Variants in PRKCB observed in about 807,000 individuals in gnomAD.
PRKCB encodes protein kinase C beta type.
Under a neutral mutation model 81.5 loss-of-function variants are expected in PRKCB, and 13 were observed. The observed-to-expected ratio is 0.16, with a 90% CI of 0.10 to 0.25. The LOEUF (loss-of-function observed/expected upper bound fraction) is 0.25. Ranked by LOEUF, PRKCB falls within the 10% of genes least tolerant of loss-of-function variation. PRKCB has a pLI of 1.00. For missense variants in PRKCB, 509 were observed against 875.7 expected, an observed-to-expected ratio of 0.58 and a Z score of 5.29; for synonymous variants, 335 against 321.4, an observed-to-expected ratio of 1.04 and a Z score of -0.45.
intron 2 of PRKCB, among the ~76,000 whole-genome samples, chr16:23,871,434 C>T (rs940765195): frequency 6.6e-6 from 1 of 152,178 alleles, no homozygotes; most frequent in Admixed American, 6.5e-5. Context: ...CGTTCCTGCC[C>T]CTGTCCCCCT....
intron 3 of PRKCB, among the ~76,000 whole-genome samples, chr16:23,988,860 G>C (rs4788153): frequency 0.58 from 88,783 of 151,882 alleles, 26,238 homozygotes; most frequent in South Asian, 0.78. Flanking sequence ...AGAGGCAGGG[G>C]CCTACTTGGT....
chr16:24,202,952 C>T (rs982381724), intron 16 of PRKCB, among the ~76,000 whole-genome samples: 1 of 152,104 alleles, frequency 6.6e-6, no homozygotes, highest in Non-Finnish European at 1.5e-5. Flanking sequence ...TGCAGTGGCT[C>T]ATGCCTGTAA....
intron 3 of PRKCB, among the ~76,000 whole-genome samples, chr16:24,020,077 C>T (rs1246976187): frequency 6.6e-6 from 1 of 152,140 alleles, no homozygotes; most frequent in Non-Finnish European, 1.5e-5. Flanking sequence ...TGCCAAATTG[C>T]CCCCACAGGA....
intron 3 of PRKCB, among the ~76,000 whole-genome samples, chr16:23,993,790 G>A (rs772747552): frequency 2.2e-4 from 34 of 152,154 alleles, no homozygotes; most frequent in Non-Finnish European, 4.4e-4. Context: ...AACAACAATC[G>A]GAATAGCCTG....
chr16:23,923,349 A>C (rs1472853405), intron 2 of PRKCB, among the ~76,000 whole-genome samples: 1 of 152,020 alleles, frequency 6.6e-6, no homozygotes, highest in East Asian at 1.9e-4. Context: ...ATGGCTATGG[A>C]AGCTCTACTC....
intron 3 of PRKCB, among the ~76,000 whole-genome samples, chr16:24,028,587 T>C (rs1312661392): frequency 6.6e-6 from 1 of 152,224 alleles, no homozygotes; most frequent in Non-Finnish European, 1.5e-5. Context: ...AACCTACACT[T>C]GTGTTGAACA....
intron 3 of PRKCB, among the ~76,000 whole-genome samples, chr16:24,011,859 A>C (rs983812416): frequency 2.6e-5 from 4 of 152,202 alleles, no homozygotes; most frequent in Non-Finnish European, 5.9e-5. Context: ...AGATGATAAT[A>C]TACTACTTCT....
At chr16:23,880,142 G>A (rs1412228988) in intron 2 of PRKCB, among the ~76,000 whole-genome samples, 1 of 152,202 alleles carries the variant, frequency 6.6e-6, no homozygotes, top group African/African-American at 2.4e-5. Flanking sequence ...CATGGTAGAA[G>A]CTAGGTCAGC....
chr16:23,870,587 A>G (rs1962886577), intron 2 of PRKCB, among the ~76,000 whole-genome samples: 1 of 152,206 alleles, frequency 6.6e-6, no homozygotes, highest in African/African-American at 2.4e-5. Context: ...AAACGAAGCC[A>G]TTAGGTGCTT....
intron 3 of PRKCB, among the ~76,000 whole-genome samples, chr16:24,003,853 T>G (rs993248008): frequency 6.6e-6 from 1 of 152,176 alleles, no homozygotes; most frequent in Admixed American, 6.5e-5. Flanking sequence ...GATGCGCTGA[T>G]GAAAGTAATA....
chr16:24,153,696 T>C (rs1395531678), intron 9 of PRKCB, among the ~76,000 whole-genome samples: 1 of 152,176 alleles, frequency 6.6e-6, no homozygotes, highest in Non-Finnish European at 1.5e-5. Context: ...CCGATGTGTC[T>C]GTGAGCCACA....
intron 2 of PRKCB, among the ~76,000 whole-genome samples, chr16:23,944,185 C>T (rs1361913505): frequency 2.0e-5 from 3 of 151,988 alleles, no homozygotes; most frequent in African/African-American, 4.8e-5. Flanking sequence ...TTAGTAGATC[C>T]GTAAGATGTG....
chr16:23,916,590 A>G (rs1963744056), intron 2 of PRKCB, among the ~76,000 whole-genome samples: 1 of 152,130 alleles, frequency 6.6e-6, no homozygotes, highest in Non-Finnish European at 1.5e-5. Flanking sequence ...AACTAATAAT[A>G]CCAATTTATT....
At chr16:24,101,316 G>A (rs891941017) in intron 7 of PRKCB, among the ~76,000 whole-genome samples, 13 of 152,220 alleles carry the variant, frequency 8.5e-5, no homozygotes, top group African/African-American at 2.9e-4. Flanking sequence ...GGAGTGCCAA[G>A]GTGGGAGGAT....
chr16:23,969,237 C>T (rs1596491517), intron 2 of PRKCB, among the ~76,000 whole-genome samples: 1 of 152,248 alleles, frequency 6.6e-6, no homozygotes, highest in East Asian at 1.9e-4. Flanking sequence ...ATGGTTGCAT[C>T]TTCCATGGGG....
chr16:24,163,886 T>G (rs961775964), intron 10 of PRKCB, among the ~76,000 whole-genome samples: 2 of 152,190 alleles, frequency 1.3e-5, no homozygotes, highest in Admixed American at 1.3e-4. Context: ...AGTATAACTG[T>G]GACTAGAACC....
In PRKCB at chr16:24,217,835, G is replaced by A. The variant is rs1968254520; in HGVS notation, c.*3019G>A. 2 of 985,394 alleles carry A rather than the reference G, an allele frequency of 2.0e-6. No individual in the cohort carries two copies. The highest frequency in any genetic ancestry group is 2.4e-6 in the Non-Finnish European group (2 of 829,956). The allele number at this position is 985,394 out of a possible 1,614,324, so 61.0% of individuals were successfully genotyped here. ...TGCCTTTTAGCTCACACACTGTCCT[G>A]GAGTTCTCAGACCTTTAGGGGCCCT... On this transcript the variant is annotated 3_prime_UTR_variant, in exon 17 of 17. Transcript: ENST00000643927.
intron 10 of PRKCB, among the ~76,000 whole-genome samples, chr16:24,157,502 C>G (rs887382083): frequency 2.0e-5 from 3 of 150,960 alleles, no homozygotes; most frequent in Admixed American, 2.0e-4. Flanking sequence ...CGTGTGCTTC[C>G]CTTTCTGCCA....
At chr16:23,974,890 C>G (rs933698252) in intron 2 of PRKCB, among the ~76,000 whole-genome samples, 1 of 152,168 alleles carries the variant, frequency 6.6e-6, no homozygotes, top group African/African-American at 2.4e-5. Context: ...TCAGCTCCAG[C>G]TGTTTTCTGT....
Sources: allele counts gnomAD v4.1 joint callset (sites outside exome capture counted in the v4.1 genomes callset), GRCh38; gene constraint gnomAD v4.1.1; transcripts MANE v1.5; gene names NCBI Gene and HGNC (gene_info 2026-07-23, HGNC 2026-07-21).